Variants in OPCML observed in about 807,000 individuals in gnomAD.
OPCML encodes the protein opioid binding protein/cell adhesion molecule like, also known as opioid-binding protein/cell adhesion molecule.
A neutral mutation model predicts 37.8 loss-of-function variants in OPCML; 13 were observed. The ratio of observed to expected loss-of-function variants is 0.34; its 90% CI spans 0.22 to 0.55. OPCML has a LOEUF of 0.55. Among genes scored for constraint, OPCML ranks in the 20% least tolerant of loss-of-function variants. The probability of loss-of-function intolerance (pLI) is 0.91; values close to 1 mark genes in which losing one functional copy is unlikely to be tolerated. For synonymous variants in OPCML, 176 were observed against 168.8 expected, an observed-to-expected ratio of 1.04 and a Z score of -0.33; for missense variants, 341 against 435.6, an observed-to-expected ratio of 0.78 and a Z score of 1.93.
At chr11:133,493,808 C>G (rs905823794) in intron 1 of OPCML, among the ~76,000 whole-genome samples, 1 of 152,092 alleles carries the variant, frequency 6.6e-6, no homozygotes, top group African/African-American at 2.4e-5. Flanking sequence ...AGGTTTTCTT[C>G]TAGGGTTTTT....
chr11:133,191,509 G>GTGTT (rs1361636356), intron 1 of OPCML, among the ~76,000 whole-genome samples: 30 of 148,700 alleles, frequency 2.0e-4, no homozygotes, highest in African/African-American at 7.6e-4. Flanking sequence ...GTGTGGGTGT[G>GTGTT]TGTGTGTGTG....
intron 2 of OPCML, among the ~76,000 whole-genome samples, chr11:132,687,747 G>T (rs938634140): frequency 6.6e-6 from 1 of 151,986 alleles, no homozygotes; most frequent in African/African-American, 2.4e-5. Context: ...TAAGTAACAA[G>T]TATTTAGAAA....
intron 2 of OPCML, among the ~76,000 whole-genome samples, chr11:132,876,977 C>T (rs781331043): frequency 4.6e-5 from 7 of 152,234 alleles, no homozygotes; most frequent in African/African-American, 9.6e-5. Context: ...AATAAGGAAA[C>T]GTGATTGGCA....
chr11:133,244,111 G>A (rs1592136717), intron 1 of OPCML, among the ~76,000 whole-genome samples: 1 of 152,198 alleles, frequency 6.6e-6, no homozygotes, highest in Non-Finnish European at 1.5e-5. Context: ...GGATGGGGCA[G>A]GTGCAATAGC....
At chr11:133,170,326 A>C (rs1039803846) in intron 1 of OPCML, among the ~76,000 whole-genome samples, 4 of 152,168 alleles carry the variant, frequency 2.6e-5, no homozygotes, top group Non-Finnish European at 4.4e-5. Context: ...AATACAAAAA[A>C]ATACAAAAAC....
intron 1 of OPCML, among the ~76,000 whole-genome samples, chr11:133,411,521 C>T (rs1288738391): frequency 2.0e-5 from 3 of 152,172 alleles, no homozygotes; most frequent in Non-Finnish European, 2.9e-5. Flanking sequence ...AACTCTGGGG[C>T]AAGCTCATTT....
intron 1 of OPCML, among the ~76,000 whole-genome samples, chr11:133,479,256 C>T (rs1947321598): frequency 6.6e-6 from 1 of 152,166 alleles, no homozygotes; most frequent in South Asian, 2.1e-4. Flanking sequence ...CAGGTGTCTG[C>T]ATTTTCCACA....
chr11:132,610,878 T>C (rs1344600329), intron 3 of OPCML, among the ~76,000 whole-genome samples: 1 of 152,178 alleles, frequency 6.6e-6, no homozygotes, highest in Non-Finnish European at 1.5e-5. Context: ...TCAAAATGAT[T>C]GTTCTGTCTT....
chr11:133,077,986 C>T (rs7105675), intron 1 of OPCML, among the ~76,000 whole-genome samples: 53,364 of 151,982 alleles, frequency 0.35, 9,414 homozygotes, highest in South Asian at 0.48. Context: ...ATGGAAGCCG[C>T]GATTCTAGGG....
intron 2 of OPCML, among the ~76,000 whole-genome samples, chr11:132,679,755 A>G (rs1942859781): frequency 6.6e-6 from 1 of 152,226 alleles, no homozygotes; most frequent in Non-Finnish European, 1.5e-5. Flanking sequence ...TGGCATGTAA[A>G]TTATATCACA....
At chr11:132,739,523 A>G (rs548967812) in intron 2 of OPCML, among the ~76,000 whole-genome samples, 3 of 152,302 alleles carry the variant, frequency 2.0e-5, no homozygotes, top group Non-Finnish European at 4.4e-5. Context: ...TAGCCAAGAA[A>G]AGTACTGCTG....
chr11:132,657,470 T>A (rs1438369478), intron 2 of OPCML, 151 bp from the exon 3 acceptor site: 2 of 1,415,234 alleles, frequency 1.4e-6, no homozygotes, highest in African/African-American at 2.9e-5. Context: ...TGATGAAACT[T>A]CCTAAATATA....
chr11:132,716,193 G>A (rs544417688), intron 2 of OPCML, among the ~76,000 whole-genome samples: 2 of 152,324 alleles, frequency 1.3e-5, no homozygotes, highest in South Asian at 4.1e-4. Flanking sequence ...AATGAGAGCA[G>A]AGCAGACTCC....
chr11:132,424,508 G>A (rs1406941117), intron 7 of OPCML, among the ~76,000 whole-genome samples: 3 of 152,160 alleles, frequency 2.0e-5, no homozygotes, highest in African/African-American at 4.8e-5. Context: ...GAAGAAAGGC[G>A]AAGGAGCAGA....
At chr11:132,651,420 T>A (rs999546565) in intron 3 of OPCML, among the ~76,000 whole-genome samples, 1 of 151,448 alleles carries the variant, frequency 6.6e-6, no homozygotes, top group African/African-American at 2.5e-5. Flanking sequence ...GTTAACTGTT[T>A]GTATTTTGAT....
chr11:133,318,376 C>A (rs1029265959), intron 1 of OPCML, among the ~76,000 whole-genome samples: 1 of 152,178 alleles, frequency 6.6e-6, no homozygotes, highest in Non-Finnish European at 1.5e-5. Flanking sequence ...TTAGGCTCCA[C>A]CTCCTCCACC....
At chr11:133,087,935 C>T (rs1948841095) in intron 1 of OPCML, among the ~76,000 whole-genome samples, 1 of 152,194 alleles carries the variant, frequency 6.6e-6, no homozygotes, top group Admixed American at 6.5e-5. Context: ...AATGTGTGAA[C>T]TGTAATTATC....
intron 2 of OPCML, among the ~76,000 whole-genome samples, chr11:132,899,286 T>A (rs2136491742): frequency 6.6e-6 from 1 of 152,328 alleles, no homozygotes; most frequent in South Asian, 2.1e-4. Flanking sequence ...AAGGATATGT[T>A]TTGGTGTACA....
At chr11:132,625,421 C>G (rs1036355642) in intron 3 of OPCML, among the ~76,000 whole-genome samples, 5 of 152,268 alleles carry the variant, frequency 3.3e-5, no homozygotes, top group Admixed American at 3.3e-4. Context: ...CCTCTGTCAG[C>G]ACTAATATCC....
Sources: gnomAD v4.1 joint callset for allele counts (sites outside exome capture counted in the v4.1 genomes callset) on GRCh38, gnomAD v4.1.1 for gene constraint, MANE v1.5 for transcripts, NCBI Gene and HGNC (gene_info 2026-07-23, HGNC 2026-07-21) for gene names.